The following RTTN variants were observed in gnomAD, a reference collection of about 807,000 sequenced individuals.
The protein encoded by RTTN is rotatin.
In RTTN, 182 loss-of-function variants were observed where a neutral mutation model predicts 269.2. That is an observed-to-expected ratio of 0.68 (90% CI 0.60 to 0.76). The LOEUF is 0.76. Among genes scored for constraint, RTTN ranks in the 30% least tolerant of loss-of-function variants. The probability of loss-of-function intolerance (pLI) is 0.00; values close to 1 mark genes in which losing one functional copy is unlikely to be tolerated. For synonymous variants in RTTN, 1,006 were observed against 963.5 expected (o/e 1.04, Z -0.82); for missense variants, 2,545 against 2,608.6 (o/e 0.98, Z 0.53).
intron 34 of RTTN, among the ~76,000 whole-genome samples, chr18:70,068,426 A>G (rs1210649631): frequency 1.3e-5 from 2 of 152,190 alleles, no homozygotes; most frequent in African/African-American, 4.8e-5. Flanking sequence ...TGCATTCATG[A>G]CAGCATAAAT....
At position 70,168,935 on chromosome 18, in the gene RTTN, A is replaced by G. The variant is rs776988696; in HGVS notation, c.1609T>C (p.Tyr537His). ...AYLEQLNSEN[Y>H]SIYKRTAEAV... ...TCTGCAGTTCGTTTATAAATACTGTAGTTTTCAGAATTCAGCTGTTCCAAA... is the reference window on the plus strand; with the variant it reads ...TCTGCAGTTCGTTTATAAATACTGTGGTTTTCAGAATTCAGCTGTTCCAAA... Residue 537 changes from tyrosine (Y) to histidine (H), a missense_variant, in exon 12 of 49, where the codon TAC becomes CAC. Tyr to His is a moderately conservative substitution (Grantham distance 83). Transcript: ENST00000640769. The G allele has an allele frequency of 1.5e-5, 24 of 1,613,420 alleles. No individual in the cohort carries two copies. Among genetic ancestry groups the G allele is most frequent in the Non-Finnish European group, 1.9e-5 (22 of 1,179,804 alleles).
Position 70,030,105 on chromosome 18 carries a change from A to G in RTTN, c.5652T>C (p.Asn1884=), listed in dbSNP as rs1343499828. ...RRAQKHALKA[N]LIDNCMEQMK... ...TCTGCTCCATGCAATTGTCTATAAG[A>G]TTGGCTGAAAGACAAAATCTGCAGT... The change falls in exon 42 of 49, where the codon AAT becomes AAC. Residue 1884 remains asparagine, a synonymous_variant. Transcript: ENST00000640769. The G allele has an allele frequency of 6.2e-7, 1 of 1,609,320 alleles. No homozygotes were observed. The highest frequency in any genetic ancestry group is 8.5e-7 in the Non-Finnish European group (1 of 1,177,352).
intron 40 of RTTN, among the ~76,000 whole-genome samples, chr18:70,044,423 A>C (rs1331275220): frequency 6.6e-6 from 1 of 152,180 alleles, no homozygotes; most frequent in East Asian, 1.9e-4. Flanking sequence ...CTTGTTATCT[A>C]TATGTATTTG....
chr18:70,162,079 C>T (rs766892412), intron 14 of RTTN, among the ~76,000 whole-genome samples: 1 of 152,132 alleles, frequency 6.6e-6, no homozygotes, highest in African/African-American at 2.4e-5. Context: ...TGCAGCATTA[C>T]TCACAATAGC....
At chr18:70,201,338 C>T (rs1472841590) in intron 4 of RTTN, among the ~76,000 whole-genome samples, 1 of 152,080 alleles carries the variant, frequency 6.6e-6, no homozygotes, top group Non-Finnish European at 1.5e-5. Context: ...CGCGGTGGCT[C>T]ACGCCTGTAA....
At position 70,060,025 on chromosome 18, in the gene RTTN, A is replaced by G; in HGVS notation, c.4765T>C (p.Ser1589Pro). ...GATGAATCATGAGGTGGCCGTGGTG[A>G]TGTACTTTCCTGGTGACCTATTATT... ...FVAQGHQEST[S>P]PRPPHDSSLS... Residue 1589 changes from serine (S) to proline (P), a missense_variant, in exon 36 of 49, where the codon TCA becomes CCA. Coordinates refer to ENST00000640769, the MANE Select transcript of RTTN (RefSeq NM_173630.4). 1.9e-6 allele frequency: 3 copies of G among 1,612,040 alleles called. No homozygotes were observed. Among genetic ancestry groups the G allele is most frequent in the Non-Finnish European group, 2.5e-6 (3 of 1,178,992 alleles).
In RTTN at chr18:70,030,804, T is replaced by C. The variant is rs1252283228; in HGVS notation, c.5647+72A>G. 8.7e-6 allele frequency: 10 copies of C among 1,149,188 alleles called. No homozygotes were observed. In the East Asian group the frequency reaches 2.4e-4, roughly 28 times the overall value. 71.2% of individuals were successfully genotyped at this position (1,149,188 alleles called of 1,614,324 possible). ...TTTTACATTTTGAGTCCAAAGAAAATTAACTTGAACAAGCAACAAAACATA... is the reference window on the plus strand; with the variant it reads ...TTTTACATTTTGAGTCCAAAGAAAACTAACTTGAACAAGCAACAAAACATA... On this transcript the variant is annotated intron_variant, in intron 41 of 48. Coordinates refer to ENST00000640769, the MANE Select transcript of RTTN (RefSeq NM_173630.4).
chr18:70,068,936 G>C (rs898861758), intron 34 of RTTN, among the ~76,000 whole-genome samples: 5 of 151,356 alleles, frequency 3.3e-5, no homozygotes, highest in African/African-American at 1.2e-4. Context: ...AAGCTTTTTA[G>C]AGCAGGCTGA....
rs151186573 is a variant in RTTN, at chr18:70,009,750, C to T, written c.6422-3266G>A. ...TAACAATATTAACCTTAAATGTAAACGGGCTAAATGCCACAATTAAAAGAC... is the reference window on the plus strand; with the variant it reads ...TAACAATATTAACCTTAAATGTAAATGGGCTAAATGCCACAATTAAAAGAC... On this transcript the variant is annotated intron_variant, in intron 46 of 48. Transcript: ENST00000640769. 1.2e-3 allele frequency among the ~76,000 whole-genome samples: 186 copies of T among 152,148 alleles called. 1 individual carries two copies. The highest frequency in any genetic ancestry group is 9.7e-3 in the East Asian group (50 of 5,166).
intron 18 of RTTN, among the ~76,000 whole-genome samples, chr18:70,144,838 C>T (rs2060348310): frequency 6.6e-6 from 1 of 152,182 alleles, no homozygotes; most frequent in African/African-American, 2.4e-5. Context: ...CTACTACAGG[C>T]CTTGGCAAGT....
intron 32 of RTTN, among the ~76,000 whole-genome samples, 182 bp from the exon 33 acceptor site, chr18:70,075,723 T>C (rs1291244465): frequency 6.6e-6 from 1 of 152,036 alleles, no homozygotes; most frequent in East Asian, 1.9e-4. Context: ...CATAATACTC[T>C]AGGTCTTTGC....
chr18:70,057,484 G>A (rs2057852444), intron 37 of RTTN, among the ~76,000 whole-genome samples: 1 of 152,164 alleles, frequency 6.6e-6, no homozygotes, highest in African/African-American at 2.4e-5. Context: ...AAGATATCCA[G>A]ACACTTGATC....
chr18:70,167,493 G>A (rs536457581), intron 12 of RTTN, among the ~76,000 whole-genome samples: 117 of 152,202 alleles, frequency 7.7e-4, no homozygotes, highest in Non-Finnish European at 1.4e-3. Context: ...AGGCCGAGGC[G>A]GGCAGATCAC....
intron 11 of RTTN, among the ~76,000 whole-genome samples, chr18:70,172,202 C>T (rs951380215): frequency 3.9e-5 from 6 of 152,198 alleles, no homozygotes; most frequent in African/African-American, 1.4e-4. Flanking sequence ...TTAACCTATA[C>T]ATGAGTATTC....
chr18:70,150,286 T>G, intron 15 of RTTN, 199 bp from the exon 16 acceptor site: 1 of 568,822 alleles, frequency 1.8e-6, no homozygotes, highest in Non-Finnish European at 3.1e-6. Flanking sequence ...TTACCTTTAA[T>G]GTACATTTGT....
intron 11 of RTTN, among the ~76,000 whole-genome samples, chr18:70,173,222 C>T (rs949892024): frequency 2.0e-5 from 3 of 152,094 alleles, no homozygotes; most frequent in African/African-American, 4.8e-5. Context: ...GGGCCAGGCG[C>T]GGTGGCTCAT....
chr18:70,007,611 T>A (rs1599073829), intron 46 of RTTN: 2 of 152,360 alleles, frequency 1.3e-5, no homozygotes, highest in East Asian at 3.9e-4. Context: ...AGTAGCCTGT[T>A]TCCCTTCACA....
chr18:70,092,726 G>T lies in RTTN; in HGVS notation c.3982C>A (p.Leu1328Ile), dbSNP rs1370452043. The change falls in exon 29 of 49, where the codon CTT (leucine) becomes ATT (isoleucine). Residue 1328 changes from leucine (L) to isoleucine (I), a missense_variant. By Grantham distance (5) the Leu-to-Ile change is conservative. Transcript: ENST00000640769. ...TCATGGGATAAGTGAAGCAAGCAAA[G>T]AATTGTGCTCTTTGTAACACCTTTT... is the stretch of plus-strand genomic sequence containing the variant. ...MGKGVTKSTI[L>I]CLLHLSHEMM... 3.1e-6 allele frequency: 5 copies of T among 1,613,736 alleles called. No individual in the cohort carries two copies. Among genetic ancestry groups the T allele is most frequent in the Middle Eastern group, 1.6e-4 (1 of 6,062 alleles).
At chr18:70,141,676 G>A (rs1341159025) in intron 19 of RTTN, among the ~76,000 whole-genome samples, 2 of 152,096 alleles carry the variant, frequency 1.3e-5, no homozygotes, top group African/African-American at 4.8e-5. Flanking sequence ...TAATATAAAT[G>A]AGTTGATGGG....
Sources: gnomAD v4.1 joint callset for allele counts (sites outside exome capture counted in the v4.1 genomes callset) on GRCh38, gnomAD v4.1.1 for gene constraint, MANE v1.5 for transcripts, NCBI Gene and HGNC (gene_info 2026-07-23, HGNC 2026-07-21) for gene names.